PPP1R16B: variants seen among roughly 807,000 people sequenced by gnomAD.
The protein encoded by PPP1R16B is protein phosphatase 1 regulatory subunit 16B.
Under a neutral mutation model 61.7 loss-of-function variants are expected in PPP1R16B, and 14 were observed. The ratio of observed to expected loss-of-function variants is 0.23; its 90% confidence interval spans 0.15 to 0.35. The LOEUF is 0.35. Among genes scored for constraint, PPP1R16B ranks in the 10% least tolerant of loss-of-function variants. The pLI is 1.00. For missense variants in PPP1R16B, 547 were observed against 752.5 expected (o/e 0.73, Z 3.19); for synonymous variants, 266 against 305.3 (o/e 0.87, Z 1.34).
intron 2 of PPP1R16B, among the ~76,000 whole-genome samples, chr20:38,841,353 GAAAAAAA>G (rs34203271): frequency 2.8e-4 from 12 of 42,582 alleles, no homozygotes; most frequent in Non-Finnish European, 3.8e-4. Context: ...TGTCTGTACT[GAAAAAAA>G]AAAAAAAAAA....
chr20:38,831,895 C>A (rs1308635340), intron 1 of PPP1R16B, among the ~76,000 whole-genome samples: 1 of 152,234 alleles, frequency 6.6e-6, no homozygotes, highest in Non-Finnish European at 1.5e-5. Flanking sequence ...AACAAGACTT[C>A]TCTGCTCCTT....
chr20:38,918,050 A>T lies in PPP1R16B; in HGVS notation c.1195-107A>T, dbSNP rs1279130497. On this transcript the variant is annotated intron_variant, in intron 10 of 10. Coordinates refer to ENST00000299824, the MANE Select transcript of PPP1R16B (RefSeq NM_015568.4). This position sits in a 1 kb window ranked among gnomAD's most constrained non-coding sequence, Gnocchi z 5.3. ...CTGGCCCCGATACCCAGGGAGAGAAAACAGATAGAGGAAAAGTCCAAACAA... is the reference window on the plus strand; with the variant it reads ...CTGGCCCCGATACCCAGGGAGAGAATACAGATAGAGGAAAAGTCCAAACAA... 7 of 1,437,422 alleles carry T rather than the reference A, an allele frequency of 4.9e-6. No individual in the cohort carries two copies. Among genetic ancestry groups the T allele is most frequent in the African/African-American group, 1.4e-5 (1 of 70,518 alleles). The allele number at this position is 1,437,422 out of a possible 1,614,324, so 89.0% of individuals were successfully genotyped here. A position where few individuals can be genotyped will look rare whatever the true frequency, so the allele number is the denominator to read the frequency against.
rs1367888697 is a variant in PPP1R16B, at chr20:38,907,828, C to A, written c.921C>A (p.Phe307Leu). The A allele has an allele frequency of 6.2e-7, 1 of 1,614,028 alleles. No individual in the cohort carries two copies. Among genetic ancestry groups the A allele is most frequent in the African/African-American group, 1.3e-5 (1 of 74,932 alleles). Residue 307 changes from phenylalanine to leucine, a missense_variant, in exon 9 of 11, where the codon TTC (phenylalanine) becomes TTA (leucine). Physicochemically the swap from Phe to Leu is conservative, Grantham distance 22 (BLOSUM62 0). Transcript: ENST00000299824. This position sits in a 1 kb window ranked among gnomAD's most constrained non-coding sequence, Gnocchi z 4.5. Reference sequence around the variant, plus strand: ...CAGACCTGTGCGAGGAGGAAGAGTTCAAGGTCCTGCTGCTGGAGCTAAAAC... The same window carrying A: ...CAGACCTGTGCGAGGAGGAAGAGTTAAAGGTCCTGCTGCTGGAGCTAAAAC... ...MPIDLCEEEEFKVLLLELKHK... is the reference protein window; with the variant it reads ...MPIDLCEEEELKVLLLELKHK...
intron 2 of PPP1R16B, among the ~76,000 whole-genome samples, chr20:38,881,458 G>A (rs1039650538): frequency 6.6e-6 from 1 of 152,234 alleles, no homozygotes; most frequent in Non-Finnish European, 1.5e-5. Flanking sequence ...GCACCTTGAA[G>A]AGGGGGAAAT....
chr20:38,865,092 T>G (rs1425544584), intron 2 of PPP1R16B, among the ~76,000 whole-genome samples: 1 of 151,878 alleles, frequency 6.6e-6, no homozygotes, highest in Non-Finnish European at 1.5e-5. Flanking sequence ...TGGTTTGGAG[T>G]ATGAGGCAAA....
intron 2 of PPP1R16B, among the ~76,000 whole-genome samples, chr20:38,879,298 G>T (rs572689620): frequency 6.6e-6 from 1 of 152,098 alleles, no homozygotes; most frequent in Non-Finnish European, 1.5e-5. Context: ...AGGGTCCAAG[G>T]CACACAGTCT....
chr20:38,870,724 A>G (rs78446633), intron 2 of PPP1R16B, among the ~76,000 whole-genome samples: 10,066 of 152,236 alleles, frequency 0.066, 485 homozygotes, highest in Admixed American at 0.14. Context: ...CTTAGCTGCA[A>G]GCAGGACCGG....
At chr20:38,892,340 G>A (rs553942294) in intron 3 of PPP1R16B, among the ~76,000 whole-genome samples, 7 of 152,182 alleles carry the variant, frequency 4.6e-5, no homozygotes, top group Admixed American at 2.0e-4. Context: ...CTGGGGATGC[G>A]TGGTCAGGGA....
At chr20:38,885,421 G>C (rs984749094) in intron 2 of PPP1R16B, among the ~76,000 whole-genome samples, 3 of 152,208 alleles carry the variant, frequency 2.0e-5, no homozygotes, top group African/African-American at 7.2e-5. Flanking sequence ...CTGATACATA[G>C]AGAGTTCCAG....
intron 10 of PPP1R16B, among the ~76,000 whole-genome samples, chr20:38,917,049 C>A (rs1297584824): frequency 6.6e-6 from 1 of 152,100 alleles, no homozygotes; most frequent in African/African-American, 2.4e-5. Context: ...GCAATCTCAG[C>A]ACTTTGGGAA....
intron 10 of PPP1R16B, among the ~76,000 whole-genome samples, chr20:38,916,949 G>A (rs1273449818): frequency 5.9e-5 from 9 of 152,042 alleles, no homozygotes; most frequent in Admixed American, 5.9e-4. Context: ...TTTGCTGTGG[G>A]CTACATATTA....
intron 2 of PPP1R16B, 63 bp downstream of exon 2, chr20:38,836,238 C>A (rs2084871597): frequency 3.2e-6 from 5 of 1,557,980 alleles, no homozygotes; most frequent in Non-Finnish European, 4.3e-6. Flanking sequence ...GGTTTGGAAT[C>A]CAGGTTCTGT....
At chr20:38,820,062 G>A (rs2084762983) in intron 1 of PPP1R16B, among the ~76,000 whole-genome samples, 1 of 152,060 alleles carries the variant, frequency 6.6e-6, no homozygotes, top group Non-Finnish European at 1.5e-5. Context: ...GGTTATTTTG[G>A]TTAACACTGT....
intron 1 of PPP1R16B, among the ~76,000 whole-genome samples, 157 bp downstream of exon 1, chr20:38,805,949 G>A (rs2084657483): frequency 6.6e-6 from 1 of 152,134 alleles, no homozygotes; most frequent in Non-Finnish European, 1.5e-5. Flanking sequence ...AAATGGGAGT[G>A]TGGGGACTCT....
intron 2 of PPP1R16B, among the ~76,000 whole-genome samples, chr20:38,888,120 C>G (rs2085260240): frequency 6.6e-6 from 1 of 152,226 alleles, no homozygotes; most frequent in African/African-American, 2.4e-5. Flanking sequence ...ACGAGGAAAC[C>G]ACCTCAGCCC....
At chr20:38,867,320 A>G (rs1024995633) in intron 2 of PPP1R16B, among the ~76,000 whole-genome samples, 2 of 152,178 alleles carry the variant, frequency 1.3e-5, no homozygotes, top group South Asian at 2.1e-4. Flanking sequence ...GGATGGGGAT[A>G]GTTAAAGATC....
chr20:38,848,792 A>G (rs1303666333), intron 2 of PPP1R16B, among the ~76,000 whole-genome samples: 1 of 152,184 alleles, frequency 6.6e-6, no homozygotes, highest in African/African-American at 2.4e-5. Flanking sequence ...GGAACAACAC[A>G]CACTGGGTCC....
intron 2 of PPP1R16B, among the ~76,000 whole-genome samples, chr20:38,849,388 T>G (rs956555875): frequency 3.3e-5 from 5 of 152,190 alleles, no homozygotes; most frequent in African/African-American, 1.2e-4. Context: ...GGCTAACTAC[T>G]TCCGTTCCTT....
At chr20:38,878,156 G>A (rs2085181826) in intron 2 of PPP1R16B, among the ~76,000 whole-genome samples, 1 of 151,808 alleles carries the variant, frequency 6.6e-6, no homozygotes, top group Non-Finnish European at 1.5e-5. Context: ...CTTTTCCATC[G>A]ATAATATGGA....
Sources: gnomAD v4.1 joint callset for allele counts (sites outside exome capture counted in the v4.1 genomes callset) on GRCh38, gnomAD v4.1.1 for gene constraint, Gnocchi (gnomAD v3.1) non-coding constraint, MANE v1.5 for transcripts, NCBI Gene and HGNC (gene_info 2026-07-23, HGNC 2026-07-21) for gene names.